Variants in DRC9 observed in about 807,000 individuals in gnomAD.
DRC9 encodes dynein regulatory complex protein 9.
the DRC9 span, among the ~76,000 whole-genome samples, chr3:197,942,422 A>G: frequency 6.9e-6 from 1 of 145,430 alleles, no homozygotes; most frequent in African/African-American, 2.5e-5. Flanking sequence ...AAAAGAGCCC[A>G]GGCTGTATAT....
At chr3:197,946,068 C>T in the DRC9 span, among the ~76,000 whole-genome samples, 1 of 152,178 alleles carries the variant, frequency 6.6e-6, no homozygotes, top group Admixed American at 6.5e-5. Context: ...TCACTCAATT[C>T]ATCTTCTCTG....
the DRC9 span, among the ~76,000 whole-genome samples, chr3:197,937,223 CTTAT>C: frequency 1.3e-5 from 2 of 152,164 alleles, no homozygotes; most frequent in African/African-American, 4.8e-5. Context: ...TCTTAACAGG[CTTAT>C]TTGTCATCGA....
chr3:197,930,879 C>CA, the DRC9 span, among the ~76,000 whole-genome samples: 1 of 151,048 alleles, frequency 6.6e-6, no homozygotes, highest in Non-Finnish European at 1.5e-5. Context: ...ACTAAAAATA[C>CA]AAAAATTAGC....
the DRC9 span, chr3:197,889,274 A>C: frequency 3.0e-6 from 1 of 332,008 alleles, no homozygotes; most frequent in Non-Finnish European, 5.6e-6. Context: ...TAGCTAAGCC[A>C]GTGAACTCCT....
the DRC9 span, among the ~76,000 whole-genome samples, chr3:197,932,015 T>C: frequency 6.6e-6 from 1 of 152,174 alleles, no homozygotes; most frequent in Non-Finnish European, 1.5e-5. Flanking sequence ...ATCTGACTTA[T>C]TGTCCCAGCA....
the DRC9 span, chr3:197,949,366 G>A: frequency 1.3e-5 from 2 of 152,212 alleles, no homozygotes; most frequent in Non-Finnish European, 2.9e-5. Flanking sequence ...ATCTACGGAG[G>A]ACCTACTAGG....
the DRC9 span, among the ~76,000 whole-genome samples, chr3:197,921,231 G>A: frequency 1.6e-5 from 2 of 124,462 alleles, no homozygotes; most frequent in East Asian, 2.1e-4. Flanking sequence ...CGTCTTGGTC[G>A]ACCCGACTAC....
At chr3:197,891,351 G>GAT in the DRC9 span, 5 of 690,768 alleles carry the variant, frequency 7.2e-6, no homozygotes, top group Non-Finnish European at 5.2e-6. Flanking sequence ...GCAGTTCCTT[G>GAT]ATATACTGAG....
At chr3:197,896,424 C>CA in the DRC9 span, among the ~76,000 whole-genome samples, 1 of 151,634 alleles carries the variant, frequency 6.6e-6, no homozygotes, top group Non-Finnish European at 1.5e-5. Flanking sequence ...TAGAGTTTGG[C>CA]AAAAAATTGA....
At chr3:197,899,939 C>A in the DRC9 span, among the ~76,000 whole-genome samples, 1 of 151,442 alleles carries the variant, frequency 6.6e-6, no homozygotes, top group Non-Finnish European at 1.5e-5. Flanking sequence ...CCACACGGCA[C>A]GGGTAGGATC....
the DRC9 span, among the ~76,000 whole-genome samples, chr3:197,932,667 AAATAATAT>A: frequency 7.0e-6 from 1 of 143,346 alleles, no homozygotes; most frequent in African/African-American, 2.8e-5. Context: ...ATAAATAAAT[AAATAATAT>A]TTTCAGGCCA....
the DRC9 span, among the ~76,000 whole-genome samples, chr3:197,894,160 A>C: frequency 5.3e-5 from 8 of 152,248 alleles, no homozygotes; most frequent in African/African-American, 1.4e-4. Context: ...AGTTTACTTA[A>C]ATTCTCTAAG....
At chr3:197,892,321 C>T in the DRC9 span, among the ~76,000 whole-genome samples, 4 of 152,230 alleles carry the variant, frequency 2.6e-5, no homozygotes, top group South Asian at 6.2e-4. Flanking sequence ...CAGTATCTGT[C>T]TCAAGGGGCT....
chr3:197,928,970 G>C, the DRC9 span, among the ~76,000 whole-genome samples: 2 of 152,208 alleles, frequency 1.3e-5, no homozygotes, highest in African/African-American at 4.8e-5. Context: ...GGAGCAGGAT[G>C]ACCTGATTCC....
the DRC9 span, among the ~76,000 whole-genome samples, chr3:197,934,640 C>T: frequency 2.0e-5 from 3 of 152,018 alleles, no homozygotes; most frequent in Non-Finnish European, 4.4e-5. Context: ...TTTCCTAACG[C>T]GTAGTCCGCT....
At chr3:197,954,298 G>A in the DRC9 span, 1 of 771,628 alleles carries the variant, frequency 1.3e-6, no homozygotes, top group East Asian at 2.7e-5. Flanking sequence ...TGGAGAGATA[G>A]TAATTGAAAG....
the DRC9 span, chr3:197,954,150 G>C: frequency 2.5e-6 from 4 of 1,614,038 alleles, no homozygotes; most frequent in African/African-American, 5.3e-5. Flanking sequence ...TCCGAGTGGT[G>C]AGTATGGTTT....
At chr3:197,952,754 A>T in the DRC9 span, 1 of 152,324 alleles carries the variant, frequency 6.6e-6, no homozygotes, top group East Asian at 1.9e-4. Flanking sequence ...TCGGCCTCCC[A>T]GAGTGCTGGG....
the DRC9 span, among the ~76,000 whole-genome samples, chr3:197,942,921 G>C: frequency 6.7e-6 from 1 of 149,534 alleles, no homozygotes. Context: ...AGTATCTTCT[G>C]AACAAGTTAT....
Sources: gnomAD v4.1 joint callset for allele counts (sites outside exome capture counted in the v4.1 genomes callset) on GRCh38, gnomAD v4.1.1 for gene constraint, MANE v1.5 for transcripts, NCBI Gene and HGNC (gene_info 2026-07-23, HGNC 2026-07-21) for gene names.